Variants in SLC44A5 observed in about 807,000 individuals in gnomAD.
The protein encoded by SLC44A5 is choline transporter-like protein 5.
SLC44A5 carries 57 observed loss-of-function variants against 101.8 expected under a neutral mutation model. The ratio of observed to expected loss-of-function variants is 0.56; its 90% confidence interval spans 0.45 to 0.70. The LOEUF (loss-of-function observed/expected upper bound fraction) is 0.70. Ranked by LOEUF, SLC44A5 falls within the 30% of genes least tolerant of loss-of-function variation. The pLI, the probability that SLC44A5 is intolerant of heterozygous loss-of-function variation, is 0.00. For missense variants in SLC44A5, 737 were observed against 853.1 expected, an observed-to-expected ratio of 0.86 and a Z score of 1.70; for synonymous variants, 281 against 290.9, an observed-to-expected ratio of 0.97 and a Z score of 0.35.
chr1:75,323,409 C>A (rs562735973), intron 4 of SLC44A5, among the ~76,000 whole-genome samples: 1 of 152,088 alleles, frequency 6.6e-6, no homozygotes, highest in South Asian at 2.1e-4. Context: ...CATACGTGTG[C>A]ATGTGTCTTT....
At chr1:75,663,970 C>T in the SLC44A5 span, among the ~76,000 whole-genome samples, 323 of 152,228 alleles carry the variant, frequency 2.1e-3, 2 homozygotes, top group African/African-American at 7.2e-3. Context: ...ATGATCAAGT[C>T]GGGTTCATTC....
At chr1:75,315,623 T>G (rs1262045) in intron 4 of SLC44A5, among the ~76,000 whole-genome samples, 20,119 of 152,158 alleles carry the variant, frequency 0.13, 2,232 homozygotes, top group African/African-American at 0.3. Flanking sequence ...CAGGGCTTTC[T>G]CATGATCTTC....
intron 4 of SLC44A5, among the ~76,000 whole-genome samples, chr1:75,306,722 T>C (rs539465815): frequency 7.5e-6 from 1 of 132,800 alleles, no homozygotes; most frequent in African/African-American, 2.8e-5. Context: ...ATTCATTTAC[T>C]GGTTTCCTTT....
At chr1:75,460,123 C>T (rs934150613) in intron 2 of SLC44A5, among the ~76,000 whole-genome samples, 3 of 152,194 alleles carry the variant, frequency 2.0e-5, no homozygotes, top group Non-Finnish European at 4.4e-5. Flanking sequence ...ACTATATATA[C>T]ATTCTCTGCA....
chr1:75,356,567 A>G (rs1245960746), intron 3 of SLC44A5, among the ~76,000 whole-genome samples: 1 of 152,084 alleles, frequency 6.6e-6, no homozygotes, highest in African/African-American at 2.4e-5. Context: ...AGTTACAGAA[A>G]GTTAAGGTTA....
chr1:75,464,646 AC>A (rs1666713290), intron 2 of SLC44A5, among the ~76,000 whole-genome samples: 1 of 152,132 alleles, frequency 6.6e-6, no homozygotes, highest in Non-Finnish European at 1.5e-5. Context: ...CCTGTTGCCT[AC>A]AAAAAATACA....
At chr1:75,680,744 C>T in the SLC44A5 span, among the ~76,000 whole-genome samples, 1 of 151,722 alleles carries the variant, frequency 6.6e-6, no homozygotes, top group Non-Finnish European at 1.5e-5. Flanking sequence ...TAGCAGAAGG[C>T]AAGACCTAAC....
At chr1:75,318,419 GAAAGAAAGAA>G (rs1655879011) in intron 4 of SLC44A5, among the ~76,000 whole-genome samples, 2 of 140,548 alleles carry the variant, frequency 1.4e-5, no homozygotes, top group Non-Finnish European at 3.2e-5. Context: ...AAGAAAGAAA[GAAAGAAAGAA>G]AGAAATCTGC....
At chr1:75,672,197 A>G in the SLC44A5 span, among the ~76,000 whole-genome samples, 1 of 152,158 alleles carries the variant, frequency 6.6e-6, no homozygotes, top group Non-Finnish European at 1.5e-5. Flanking sequence ...TGAAAAAGGC[A>G]AGTACCAAAT....
chr1:75,268,342 G>A (rs1298173557), intron 6 of SLC44A5, among the ~76,000 whole-genome samples: 6 of 152,144 alleles, frequency 3.9e-5, no homozygotes, highest in African/African-American at 1.4e-4. Context: ...GTAACCACAA[G>A]GTAACTACCT....
the SLC44A5 span, among the ~76,000 whole-genome samples, chr1:75,699,640 C>G: frequency 2.0e-5 from 3 of 149,834 alleles, no homozygotes; most frequent in African/African-American, 7.4e-5. Context: ...ATGACAGGAC[C>G]AAATTCACAC....
At chr1:75,434,336 A>G (rs746150806) in intron 2 of SLC44A5, among the ~76,000 whole-genome samples, 1 of 152,142 alleles carries the variant, frequency 6.6e-6, no homozygotes, top group Non-Finnish European at 1.5e-5. Context: ...TTAAATTTTT[A>G]GAATTTCTCA....
At chr1:75,633,327 C>T in the SLC44A5 span, among the ~76,000 whole-genome samples, 6 of 152,078 alleles carry the variant, frequency 3.9e-5, no homozygotes, top group African/African-American at 1.4e-4. Context: ...GCCATTTTCA[C>T]GACATTGATT....
chr1:75,345,498 A>G (rs901926919), intron 3 of SLC44A5, among the ~76,000 whole-genome samples: 21 of 152,182 alleles, frequency 1.4e-4, no homozygotes, highest in Non-Finnish European at 2.2e-4. Context: ...AATTACCCAC[A>G]TAACTAAAGC....
intron 2 of SLC44A5, among the ~76,000 whole-genome samples, chr1:75,532,637 T>C (rs1047421507): frequency 2.0e-5 from 3 of 152,244 alleles, no homozygotes; most frequent in Admixed American, 6.5e-5. Context: ...ACTATCATTT[T>C]CCACTAGAAT....
At chr1:75,540,607 A>C (rs1050770909) in intron 2 of SLC44A5, among the ~76,000 whole-genome samples, 2 of 152,158 alleles carry the variant, frequency 1.3e-5, no homozygotes, top group African/African-American at 4.8e-5. Flanking sequence ...AATAACTCTT[A>C]ATCTTTTTTA....
At chr1:75,403,407 A>G (rs1662629125) in intron 2 of SLC44A5, among the ~76,000 whole-genome samples, 1 of 152,116 alleles carries the variant, frequency 6.6e-6, no homozygotes, top group African/African-American at 2.4e-5. Flanking sequence ...ACTGGGAGAT[A>G]CCTCCCAGCA....
rs186303892 is a variant in SLC44A5, at chr1:75,289,614, G to C, written c.175+10998C>G. Among the ~76,000 whole-genome samples, 5 of 152,192 alleles carry C rather than the reference G, an allele frequency of 3.3e-5. No individual in the cohort carries two copies. The East Asian group carries it at 9.7e-4, about 29-fold the overall frequency. ...ATATATTAACTTCTGATGCCAATAG[G>C]CATGTGTTAAAGAAACACATACATG... On this transcript the variant is annotated intron_variant, in intron 5 of 23. Coordinates refer to ENST00000370859, the MANE Select transcript of SLC44A5 (RefSeq NM_001130058.2).
intron 4 of SLC44A5, among the ~76,000 whole-genome samples, 192 bp from the exon 5 acceptor site, chr1:75,300,877 A>G (rs1654403366): frequency 6.6e-6 from 1 of 152,176 alleles, no homozygotes; most frequent in African/African-American, 2.4e-5. Flanking sequence ...TGGAGGGGCC[A>G]TAGTTCCATG....
Sources: gnomAD v4.1 joint callset for allele counts (sites outside exome capture counted in the v4.1 genomes callset) on GRCh38, gnomAD v4.1.1 for gene constraint, MANE v1.5 for transcripts, NCBI Gene and HGNC (gene_info 2026-07-23, HGNC 2026-07-21) for gene names.